The following NFATC1 variants were observed in gnomAD, a reference collection of about 807,000 sequenced individuals.
NFATC1 encodes the protein nuclear factor of activated T-cells, cytoplasmic 1.
NFATC1 carries 22 observed loss-of-function variants against 76.0 expected under a neutral mutation model. That is an observed-to-expected ratio of 0.29 (90% CI 0.21 to 0.41). The LOEUF is 0.41. Among genes scored for constraint, NFATC1 ranks in the 10% least tolerant of loss-of-function variants. NFATC1 has a pLI of 1.00. For missense variants in NFATC1, 1,357 were observed against 1,337.7 expected, an observed-to-expected ratio of 1.01 and a Z score of -0.23; for synonymous variants, 704 against 613.1, an observed-to-expected ratio of 1.15 and a Z score of -2.19.
At chr18:79,467,678 G>A (rs56196496) in intron 8 of NFATC1, 96 bp downstream of exon 8, 55,745 of 1,560,560 alleles carry the variant, frequency 0.036, 1,128 homozygotes, top group Non-Finnish European at 0.041. Context: ...GCAGCGTGGC[G>A]TGTTGCACAT....
rs2088577628 is a variant in NFATC1, at chr18:79,467,592, T to C, written c.2092+10T>C. ...TACCTTCCCGCCAACGGTAACGCCA[T>C]CTTTCTAACCGTAAGCCGTGAACAT... On this transcript the variant is annotated intron_variant, in intron 8 of 9. Coordinates refer to ENST00000427363, the MANE Select transcript of NFATC1 (RefSeq NM_001278669.2). The C allele has an allele frequency of 1.1e-5, 18 of 1,613,700 alleles. No individual in the cohort carries two copies. In the East Asian group the frequency reaches 3.8e-4, roughly 34 times the overall value.
At chr18:79,454,484 T>C (rs2087601529) in intron 6 of NFATC1, among the ~76,000 whole-genome samples, 1 of 152,128 alleles carries the variant, frequency 6.6e-6, no homozygotes, top group Non-Finnish European at 1.5e-5. Flanking sequence ...AGGGCTGCAT[T>C]GCGGGGAGCC....
chr18:79,451,661 C>G lies in NFATC1; in HGVS notation c.1763-15C>G. 1 of 1,576,642 alleles carries G rather than the reference C, an allele frequency of 6.3e-7. No individual in the cohort carries two copies. Among genetic ancestry groups the G allele is most frequent in the South Asian group, 1.2e-5 (1 of 84,670 alleles). On this transcript the variant is annotated splice_polypyrimidine_tract_variant and intron_variant, in intron 5 of 9. Coordinates refer to ENST00000427363, the MANE Select transcript of NFATC1 (RefSeq NM_001278669.2). ...CTCAGGACAGGCCCTCACTGCCCCT[C>G]TCCTTCTGATGCAGCCCAGCGCTCA...
intron 2 of NFATC1, among the ~76,000 whole-genome samples, chr18:79,416,844 T>C (rs2085893687): frequency 1.3e-5 from 2 of 152,312 alleles, no homozygotes; most frequent in East Asian, 1.9e-4. Context: ...CCTGTCCTGC[T>C]GTTTCCTGCT....
intron 3 of NFATC1, among the ~76,000 whole-genome samples, chr18:79,447,009 G>T (rs2087235395): frequency 1.3e-5 from 2 of 152,376 alleles, no homozygotes; most frequent in South Asian, 4.1e-4. Context: ...GGGCCTCACG[G>T]TCAGGCCCTC....
At chr18:79,450,237 T>TAAA (rs2087405439) in intron 4 of NFATC1, among the ~76,000 whole-genome samples, 1 of 152,192 alleles carries the variant, frequency 6.6e-6, no homozygotes, top group Non-Finnish European at 1.5e-5. Context: ...TACTGCTTTT[T>TAAA]AGTGCATTGA....
intron 8 of NFATC1, among the ~76,000 whole-genome samples, chr18:79,480,368 G>A (rs1179171735): frequency 2.6e-5 from 4 of 152,128 alleles, no homozygotes; most frequent in East Asian, 1.9e-4. Context: ...GGGTCCCAGC[G>A]AAGCGTCCAC....
chr18:79,492,711 A>G (rs1227272812), intron 9 of NFATC1, among the ~76,000 whole-genome samples: 2 of 150,042 alleles, frequency 1.3e-5, no homozygotes, highest in African/African-American at 4.9e-5. Context: ...TCCATCTCAA[A>G]AAAAAAAAAA....
At chr18:79,489,550 G>T (rs113391862) in intron 9 of NFATC1, among the ~76,000 whole-genome samples, 1 of 152,264 alleles carries the variant, frequency 6.6e-6, no homozygotes, top group South Asian at 2.1e-4. Context: ...ACCTCTCCCC[G>T]CAGAGTGAGC....
intron 2 of NFATC1, among the ~76,000 whole-genome samples, chr18:79,424,629 GTCTGTCTCTCTGTCTCTCTT>G (rs1225063693): frequency 1.4e-5 from 2 of 139,308 alleles, no homozygotes; most frequent in Non-Finnish European, 3.1e-5. Flanking sequence ...CTGTCTCTCC[GTCTGTCTCTCTGTCTCTCTT>G]TCCGTCTCTG....
chr18:79,430,675 G>A (rs1206199595), intron 2 of NFATC1, among the ~76,000 whole-genome samples: 4 of 152,202 alleles, frequency 2.6e-5, no homozygotes, highest in Non-Finnish European at 5.9e-5. Flanking sequence ...GAGCCACCAC[G>A]CCCGGCCATG....
chr18:79,461,272 C>G, intron 6 of NFATC1, 39 bp from the exon 7 acceptor site: 1 of 1,612,552 alleles, frequency 6.2e-7, no homozygotes. Context: ...GGCTCCCCAC[C>G]ACACAGAGTC....
chr18:79,495,062 C>T (rs1047289027), intron 9 of NFATC1, among the ~76,000 whole-genome samples: 4 of 152,222 alleles, frequency 2.6e-5, no homozygotes, highest in African/African-American at 9.7e-5. Flanking sequence ...CAAGTCTGCC[C>T]CTTGAGGAAA....
intron 9 of NFATC1, among the ~76,000 whole-genome samples, chr18:79,521,325 CTGTGTG>C (rs1191916618): frequency 2.4e-5 from 1 of 41,220 alleles, no homozygotes; most frequent in African/African-American, 1.1e-4. Flanking sequence ...ATGTGTGTGT[CTGTGTG>C]TGTGTGTGTA....
intron 2 of NFATC1, among the ~76,000 whole-genome samples, chr18:79,430,836 G>C (rs1385353927): frequency 6.6e-6 from 1 of 152,190 alleles, no homozygotes; most frequent in African/African-American, 2.4e-5. Flanking sequence ...GCCCTTCATT[G>C]CCCAGCCCTG....
chr18:79,474,925 T>C (rs1222679657), intron 8 of NFATC1, among the ~76,000 whole-genome samples: 6 of 130,928 alleles, frequency 4.6e-5, no homozygotes, highest in Admixed American at 7.5e-5. Flanking sequence ...TCACGCTCGC[T>C]GTCAACGTAA....
intron 2 of NFATC1, among the ~76,000 whole-genome samples, chr18:79,424,149 C>T (rs1019896418): frequency 6.6e-5 from 10 of 152,248 alleles, no homozygotes; most frequent in Admixed American, 2.0e-4. Context: ...CTGCGTCCAG[C>T]GGCCAGGCCC....
At chr18:79,409,336 C>T (rs114755141) in intron 1 of NFATC1, among the ~76,000 whole-genome samples, 1 of 31,024 alleles carries the variant, frequency 3.2e-5, no homozygotes. Context: ...ATTCATTCAT[C>T]CATCCATCCA....
chr18:79,451,050 G>T lies in NFATC1; in HGVS notation c.1686G>T (p.Leu562=). The T allele has an allele frequency of 6.2e-7, 1 of 1,613,504 alleles. No homozygotes were observed. The highest frequency in any genetic ancestry group is 2.2e-5 in the East Asian group (1 of 44,882). ...DIGRKNTRVR[L]VFRVHVPQPS... ...GGAGGAAGAACACACGGGTACGGCT[G>T]GTGTTCCGCGTTCACGTCCCGCAAC... Residue 562 remains leucine, a synonymous_variant, in exon 5 of 10, where the codon CTG becomes CTT. Transcript: ENST00000427363.
Sources: gnomAD v4.1 joint callset for allele counts (sites outside exome capture counted in the v4.1 genomes callset) on GRCh38, gnomAD v4.1.1 for gene constraint, MANE v1.5 for transcripts, NCBI Gene and HGNC (gene_info 2026-07-23, HGNC 2026-07-21) for gene names.